SDK1: variants seen among roughly 807,000 people sequenced by gnomAD.
SDK1 encodes the protein protein sidekick-1.
SDK1 carries 157 observed loss-of-function variants against 245.5 expected under a neutral mutation model. That is an observed-to-expected ratio of 0.64 (90% CI 0.56 to 0.73). The LOEUF is 0.73. Ranked by LOEUF, SDK1 falls within the 30% of genes least tolerant of loss-of-function variation. The pLI is 0.00. For synonymous variants in SDK1, 1,647 were observed against 1,278.5 expected (o/e 1.29, Z -6.15); for missense variants, 3,583 against 3,002.3 (o/e 1.19, Z -4.52).
chr7:4,264,416 C>T (rs1410046886), intron 44 of SDK1, among the ~76,000 whole-genome samples: 1 of 133,312 alleles, frequency 7.5e-6, no homozygotes, highest in South Asian at 2.4e-4. Context: ...TAAGGAAGGC[C>T]GCGTGGACCT....
intron 5 of SDK1, among the ~76,000 whole-genome samples, chr7:3,897,744 G>GCT (rs1420231073): frequency 8.2e-6 from 1 of 122,074 alleles, no homozygotes; most frequent in African/African-American, 5.8e-5. Flanking sequence ...TGTTTTTACA[G>GCT]CTGTGTGTGT....
intron 1 of SDK1, among the ~76,000 whole-genome samples, chr7:3,325,707 T>TA (rs1416650831): frequency 2.0e-5 from 3 of 152,292 alleles, no homozygotes; most frequent in Middle Eastern, 3.4e-3. Context: ...TTATATCTGT[T>TA]ACAAAAGTAC....
At chr7:3,338,079 G>A (rs551083581) in intron 1 of SDK1, 1 of 182,420 alleles carries the variant, frequency 5.5e-6, no homozygotes, top group Non-Finnish European at 1.1e-5. Flanking sequence ...AAAAAGTGGG[G>A]AAGGGCCTTT....
chr7:4,145,275 C>T (rs188647692), intron 28 of SDK1, among the ~76,000 whole-genome samples: 153 of 152,226 alleles, frequency 1.0e-3, no homozygotes, highest in African/African-American at 3.2e-3. Flanking sequence ...GAGGAGTGGC[C>T]GCTGTGGAGC....
intron 1 of SDK1, among the ~76,000 whole-genome samples, chr7:3,553,067 T>C (rs540741252): frequency 1.3e-5 from 2 of 152,332 alleles, no homozygotes; most frequent in Admixed American, 1.3e-4. Context: ...CTCCTCATCC[T>C]ACCATCTAGT....
At chr7:3,896,781 T>C (rs1471391669) in intron 5 of SDK1, among the ~76,000 whole-genome samples, 1 of 152,248 alleles carries the variant, frequency 6.6e-6, no homozygotes, top group Non-Finnish European at 1.5e-5. Context: ...GTATCATGGC[T>C]GAAAGCAAAA....
chr7:3,587,299 A>AC (rs1254131177), intron 1 of SDK1, among the ~76,000 whole-genome samples: 1 of 107,832 alleles, frequency 9.3e-6, no homozygotes, highest in Non-Finnish European at 1.8e-5. Flanking sequence ...GAGAAACAGA[A>AC]CGTGTGTGTG....
chr7:3,947,248 C>G (rs1187574448), intron 5 of SDK1, among the ~76,000 whole-genome samples: 1 of 152,184 alleles, frequency 6.6e-6, no homozygotes, highest in Admixed American at 6.5e-5. Flanking sequence ...AAGCCACCCT[C>G]ACCCCCAATT....
intron 1 of SDK1, among the ~76,000 whole-genome samples, chr7:3,336,425 C>T (rs895065919): frequency 6.6e-6 from 1 of 152,082 alleles, no homozygotes; most frequent in Admixed American, 6.5e-5. Flanking sequence ...TCAGCAAGGC[C>T]CAGGTTAGGG....
chr7:4,133,843 G>T (rs1311753285), intron 28 of SDK1, among the ~76,000 whole-genome samples: 1 of 152,216 alleles, frequency 6.6e-6, no homozygotes, highest in African/African-American at 2.4e-5. Context: ...GATTCGGCTA[G>T]CCTGTGTTCT....
At chr7:3,679,890 G>T (rs777005751) in intron 4 of SDK1, among the ~76,000 whole-genome samples, 1 of 152,050 alleles carries the variant, frequency 6.6e-6, no homozygotes, top group Admixed American at 6.6e-5. Flanking sequence ...TGACCCTATC[G>T]GTCACACTTC....
chr7:3,996,744 C>T (rs1378026685), intron 14 of SDK1, among the ~76,000 whole-genome samples: 3 of 152,140 alleles, frequency 2.0e-5, no homozygotes, highest in Admixed American at 6.5e-5. Flanking sequence ...TTTTCCATTG[C>T]TCTTCTTTGC....
intron 5 of SDK1, among the ~76,000 whole-genome samples, chr7:3,932,672 G>A (rs934777398): frequency 2.0e-5 from 3 of 152,216 alleles, no homozygotes; most frequent in African/African-American, 7.2e-5. Flanking sequence ...TGGGAAAACA[G>A]AAGAGGAAAT....
intron 1 of SDK1, among the ~76,000 whole-genome samples, chr7:3,428,100 C>G (rs962180273): frequency 1.3e-5 from 2 of 152,172 alleles, no homozygotes; most frequent in East Asian, 3.9e-4. Flanking sequence ...GGTGGCAGCA[C>G]AACTATATGC....
intron 1 of SDK1, among the ~76,000 whole-genome samples, chr7:3,570,041 CATCATTT>C (rs1356703477): frequency 2.6e-5 from 4 of 152,184 alleles, no homozygotes; most frequent in Non-Finnish European, 5.9e-5. Context: ...ACACCAGCTC[CATCATTT>C]GAGAGAGGTG....
chr7:3,550,202 G>C (rs554861136), intron 1 of SDK1, among the ~76,000 whole-genome samples: 10 of 152,138 alleles, frequency 6.6e-5, no homozygotes, highest in African/African-American at 2.2e-4. Context: ...ATATAATTGA[G>C]ATAGCACCAA....
chr7:3,688,723 A>G (rs1251345964), intron 4 of SDK1, among the ~76,000 whole-genome samples: 3 of 152,230 alleles, frequency 2.0e-5, no homozygotes, highest in Non-Finnish European at 4.4e-5. Flanking sequence ...CTTGGATGCT[A>G]CAGTGAACTT....
At position 3,378,235 on chromosome 7, in the gene SDK1, G is replaced by T. The variant is rs928539715; in HGVS notation, c.298+76351G>T. The stretch of plus-strand genomic sequence containing the variant: ...CTTCCAAGAGTCCCTCATAGTTTTG[G>T]TCTCACATATTTTGTGTTTTCTAGG... On this transcript the variant is annotated intron_variant, in intron 1 of 44. Coordinates refer to ENST00000404826, the MANE Select transcript of SDK1 (RefSeq NM_152744.4). Among the ~76,000 whole-genome samples, 3 of 152,170 alleles carry T rather than the reference G, an allele frequency of 2.0e-5. No homozygotes were observed. The East Asian group carries it at 5.8e-4, about 29-fold the overall frequency.
chr7:3,443,892 A>G (rs2128589409), intron 1 of SDK1, among the ~76,000 whole-genome samples: 1 of 152,364 alleles, frequency 6.6e-6, no homozygotes, highest in South Asian at 2.1e-4. Flanking sequence ...CCACAGCAGA[A>G]CATGATGTCA....
Sources: allele counts gnomAD v4.1 joint callset (sites outside exome capture counted in the v4.1 genomes callset), GRCh38; gene constraint gnomAD v4.1.1; transcripts MANE v1.5; gene names NCBI Gene and HGNC (gene_info 2026-07-23, HGNC 2026-07-21).